The following TMEM192 variants were observed in gnomAD, a reference collection of about 807,000 sequenced individuals.
The protein encoded by TMEM192 is transmembrane protein 192.
Under a neutral mutation model 26.7 loss-of-function variants are expected in TMEM192, and 20 were observed. The observed-to-expected ratio is 0.75, with a 90% CI of 0.53 to 1.09. TMEM192 has a LOEUF of 1.09. Among genes scored for constraint, TMEM192 ranks in the 50% least tolerant of loss-of-function variants. The pLI, the probability that TMEM192 is intolerant of heterozygous loss-of-function variation, is 0.00. For synonymous variants in TMEM192, 124 were observed against 121.0 expected, an observed-to-expected ratio of 1.02 and a Z score of -0.16; for missense variants, 304 against 322.6, an observed-to-expected ratio of 0.94 and a Z score of 0.44.
At chr4:165,110,661 T>C (rs932640032) in intron 1 of TMEM192, among the ~76,000 whole-genome samples, 2 of 152,154 alleles carry the variant, frequency 1.3e-5, no homozygotes, top group Non-Finnish European at 2.9e-5. Flanking sequence ...GCCGAGATCG[T>C]ACCATTGCAC....
chr4:165,084,679 T>C (rs1465729035), intron 5 of TMEM192, among the ~76,000 whole-genome samples: 23 of 142,096 alleles, frequency 1.6e-4, no homozygotes, highest in Middle Eastern at 9.4e-3. Context: ...GAGGCCGAGG[T>C]GGATGGATCA....
chr4:165,086,925 C>T (rs554788810), intron 4 of TMEM192, among the ~76,000 whole-genome samples: 17 of 152,044 alleles, frequency 1.1e-4, no homozygotes, highest in African/African-American at 3.4e-4. Context: ...ACCAGCCTGG[C>T]GAACATGATG....
chr4:165,100,310 C>T (rs893098716), intron 3 of TMEM192, among the ~76,000 whole-genome samples: 6 of 151,990 alleles, frequency 3.9e-5, no homozygotes, highest in African/African-American at 1.4e-4. Flanking sequence ...CAGGCATGCA[C>T]CACCACGCCC....
chr4:165,095,948 T>TG (rs1366917334), intron 3 of TMEM192, among the ~76,000 whole-genome samples: 2 of 88,372 alleles, frequency 2.3e-5, no homozygotes, highest in African/African-American at 6.2e-5. Flanking sequence ...CATGCCCAGC[T>TG]AATTTTTTTT....
At chr4:165,102,833 G>A (rs1177946116) in intron 2 of TMEM192, 117 bp downstream of exon 2, 25 of 695,858 alleles carry the variant, frequency 3.6e-5, no homozygotes, top group Non-Finnish European at 4.9e-5. Context: ...GATGTCCTAA[G>A]AACATGTGCC....
At chr4:165,100,301 A>C (rs1197660792) in intron 3 of TMEM192, among the ~76,000 whole-genome samples, 4 of 151,868 alleles carry the variant, frequency 2.6e-5, no homozygotes, top group African/African-American at 9.7e-5. Context: ...CTGGGATTAC[A>C]GGCATGCACC....
intron 3 of TMEM192, among the ~76,000 whole-genome samples, chr4:165,089,469 C>T (rs901766821): frequency 4.6e-5 from 7 of 152,054 alleles, no homozygotes; most frequent in African/African-American, 1.7e-4. Flanking sequence ...CTACAGGCGC[C>T]CGCCACCACG....
intron 4 of TMEM192, among the ~76,000 whole-genome samples, chr4:165,086,117 C>A (rs7671851): frequency 0.84 from 127,485 of 152,128 alleles, 54,584 homozygotes; most frequent in East Asian, 0.95. Context: ...TCAATAGAAG[C>A]TTGTGCAAGA....
Position 165,085,847 on chromosome 4 carries a change from A to C in TMEM192, c.575-159T>G, listed in dbSNP as rs75460684. ...TAAGCCCTGGGAATATAGGGATTAC[A>C]TTAGTATTGAAATAGCAATAATAGC... On this transcript the variant is annotated intron_variant, in intron 4 of 5. Coordinates refer to ENST00000306480, the MANE Select transcript of TMEM192 (RefSeq NM_001100389.2). Among the ~76,000 whole-genome samples, 57 of 152,336 alleles carry C rather than the reference A, an allele frequency of 3.7e-4. No individual in the cohort carries two copies. The East Asian group carries it at 0.011, about 28-fold the overall frequency.
chr4:165,106,428 T>G (rs1176321810), intron 1 of TMEM192, among the ~76,000 whole-genome samples: 1 of 152,170 alleles, frequency 6.6e-6, no homozygotes, highest in Non-Finnish European at 1.5e-5. Flanking sequence ...TGGTCAATAT[T>G]AAGTGTCAAA....
At chr4:165,109,654 C>G (rs915861274) in intron 1 of TMEM192, among the ~76,000 whole-genome samples, 1 of 152,192 alleles carries the variant, frequency 6.6e-6, no homozygotes, top group Non-Finnish European at 1.5e-5. Context: ...CGTGAGCCAC[C>G]GCACCTGGCC....
Position 165,088,971 on chromosome 4 carries a change from G to A in TMEM192, c.440-369C>T, listed in dbSNP as rs1040642703. On this transcript the variant is annotated intron_variant, in intron 3 of 5. Coordinates refer to ENST00000306480, the MANE Select transcript of TMEM192 (RefSeq NM_001100389.2). ...TGGGAGGATTGCTTGAGCCTGGGAG[G>A]TTGAGGCTGCAGTGAGCTGAGGTCG... 9.4e-5 allele frequency among the ~76,000 whole-genome samples: 14 copies of A among 149,678 alleles called. No homozygotes were observed. In the South Asian group the frequency reaches 2.8e-3, roughly 30 times the overall value.
chr4:165,103,045 G>A lies in TMEM192; in HGVS notation c.79C>T (p.Gln27Ter), dbSNP rs775102987. The A allele has an allele frequency of 6.2e-7, 1 of 1,613,278 alleles. No homozygotes were observed. Among genetic ancestry groups the A allele is most frequent in the South Asian group, 1.1e-5 (1 of 90,994 alleles). ...SIEDDPLLDA[Q>*]LLPHHSLQAH... ...TGTAATGAGTGGTGTGGGAGAAGCT[G>A]GGCATCCAGAAGTGGGTCGTCTTCA... The change falls in exon 2 of 6, where the codon CAG (glutamine) becomes TAG (stop). Residue 27 changes from glutamine (Q) to a stop codon, truncating the protein, a stop_gained. Transcript: ENST00000306480. LOFTEE classifies it high-confidence loss of function.
At chr4:165,098,618 C>CA (rs1196702095) in intron 3 of TMEM192, among the ~76,000 whole-genome samples, 1 of 151,606 alleles carries the variant, frequency 6.6e-6, no homozygotes, top group East Asian at 1.9e-4. Context: ...AGCCTGGATT[C>CA]AAAAAAAATT....
intron 3 of TMEM192, among the ~76,000 whole-genome samples, chr4:165,095,879 A>G (rs1734883473): frequency 6.6e-6 from 1 of 151,456 alleles, no homozygotes; most frequent in Admixed American, 6.6e-5. Context: ...GGTTCAAGCA[A>G]TTCTCCTGCC....
rs999533015 is a variant in TMEM192 at position 165,072,439 on chromosome 4, C to T, written c.*7219G>A. On this transcript the variant is annotated 3_prime_UTR_variant, in exon 6 of 6. Transcript: ENST00000306480. ...GGGTGTGGTGGTATGTGCCGGTAAT[C>T]CCAGCTACTCAGGAGGCTGAAGCAA... 6.6e-6 allele frequency: 1 copy of T among 151,396 alleles called. No homozygotes were observed. The highest frequency in any genetic ancestry group is 1.5e-5 in the Non-Finnish European group (1 of 67,976). The allele number at this position is 151,396 out of a possible 1,614,324, so 9.4% of individuals were successfully genotyped here.
intron 1 of TMEM192, among the ~76,000 whole-genome samples, chr4:165,108,129 TTTTTTTTTTTG>T (rs1735210957): frequency 5.8e-5 from 4 of 68,904 alleles, no homozygotes; most frequent in Admixed American, 1.8e-4. Context: ...TTTTTTTTTT[TTTTTTTTTTTG>T]GAGATGTAGT....
Position 165,112,799 on chromosome 4 carries a change from T to C in TMEM192, c.-26A>G, listed in dbSNP as rs1334424075. The C allele has an allele frequency of 5.0e-6, 8 of 1,604,210 alleles. No individual in the cohort carries two copies. Among genetic ancestry groups the C allele is most frequent in the Non-Finnish European group, 5.9e-6 (7 of 1,178,436 alleles). Reference sequence around the variant, plus strand: ...TTCCCGACGCCGGAGGCCGAAGCCCTGGCCAGCCCGGCCTCTCCACCTGGA... The same window carrying C: ...TTCCCGACGCCGGAGGCCGAAGCCCCGGCCAGCCCGGCCTCTCCACCTGGA... On this transcript the variant is annotated 5_prime_UTR_variant, in exon 1 of 6. Coordinates refer to ENST00000306480, the MANE Select transcript of TMEM192 (RefSeq NM_001100389.2).
chr4:165,112,598 C>A, intron 1 of TMEM192, 149 bp downstream of exon 1: 1 of 1,201,420 alleles, frequency 8.3e-7, no homozygotes, highest in South Asian at 1.4e-5. Context: ...AGCCCCGCGC[C>A]CAGGCCTCCC....
Sources: allele counts gnomAD v4.1 joint callset (sites outside exome capture counted in the v4.1 genomes callset), GRCh38; gene constraint gnomAD v4.1.1; transcripts MANE v1.5; gene names NCBI Gene and HGNC (gene_info 2026-07-23, HGNC 2026-07-21).